Variants in MCCC1 observed in about 807,000 individuals in gnomAD.
The protein encoded by MCCC1 is methylcrotonoyl-CoA carboxylase subunit alpha, mitochondrial.
A neutral mutation model predicts 83.8 loss-of-function variants in MCCC1; 64 were observed. The ratio of observed to expected loss-of-function variants is 0.76; its 90% CI spans 0.62 to 0.94. The LOEUF (loss-of-function observed/expected upper bound fraction) is 0.94. Among genes scored for constraint, MCCC1 ranks in the 40% least tolerant of loss-of-function variants. MCCC1 has a pLI of 0.00. For missense variants in MCCC1, 807 were observed against 904.7 expected, an observed-to-expected ratio of 0.89 and a Z score of 1.39; for synonymous variants, 322 against 315.4, an observed-to-expected ratio of 1.02 and a Z score of -0.22.
intron 1 of MCCC1, among the ~76,000 whole-genome samples, chr3:183,111,546 C>T (rs1292489948): frequency 2.0e-5 from 3 of 152,138 alleles, no homozygotes; most frequent in Non-Finnish European, 2.9e-5. Context: ...GTGATCTGCC[C>T]GCCTTGGCCT....
intron 8 of MCCC1, among the ~76,000 whole-genome samples, chr3:183,053,582 G>A (rs1379206636): frequency 1.3e-5 from 2 of 151,612 alleles, no homozygotes; most frequent in African/African-American, 2.4e-5. Flanking sequence ...CAAGGTGGGC[G>A]GATCATGAAG....
At chr3:183,107,003 T>G (rs951105832) in intron 1 of MCCC1, among the ~76,000 whole-genome samples, 1 of 152,166 alleles carries the variant, frequency 6.6e-6, no homozygotes, top group African/African-American at 2.4e-5. Flanking sequence ...ACAAGGAGAT[T>G]TTATCACTTG....
upstream of MCCC1, chr3:183,116,185 C>A: frequency 5.8e-6 from 1 of 173,796 alleles, no homozygotes; most frequent in South Asian, 9.3e-5. Flanking sequence ...GGCTCTCCTG[C>A]TCATGCGCAC....
At chr3:183,092,911 G>T (rs560621053) in intron 2 of MCCC1, among the ~76,000 whole-genome samples, 1 of 152,004 alleles carries the variant, frequency 6.6e-6, no homozygotes, top group East Asian at 1.9e-4. Context: ...ATTTATTTTT[G>T]AGACAGTGTT....
intron 3 of MCCC1, among the ~76,000 whole-genome samples, chr3:183,091,780 C>T (rs934434377): frequency 7.9e-5 from 12 of 151,556 alleles, no homozygotes; most frequent in South Asian, 2.1e-4. Flanking sequence ...CGGTGGCTCA[C>T]GCCTGTTTGG....
chr3:183,103,799 C>T (rs78678873), upstream of MCCC1, among the ~76,000 whole-genome samples: 1 of 152,144 alleles, frequency 6.6e-6, no homozygotes, highest in East Asian at 1.9e-4. Context: ...GAGCAGGGGG[C>T]GGCGCTCATC....
intron 8 of MCCC1, among the ~76,000 whole-genome samples, chr3:183,055,838 C>T (rs533251667): frequency 6.6e-6 from 1 of 152,192 alleles, no homozygotes; most frequent in South Asian, 2.1e-4. Context: ...TTGGAGACTG[C>T]AGTGAGTTAT....
intron 11 of MCCC1, among the ~76,000 whole-genome samples, 172 bp downstream of exon 11, chr3:183,041,395 A>G: frequency 6.6e-6 from 1 of 152,246 alleles, no homozygotes; most frequent in East Asian, 1.9e-4. Context: ...GTTATTCTTT[A>G]AAAATAACAA....
chr3:183,025,635 C>A (rs1712531326), intron 15 of MCCC1, 120 bp downstream of exon 15: 1 of 918,692 alleles, frequency 1.1e-6, no homozygotes, highest in South Asian at 1.4e-5. Flanking sequence ...ATAAGATATT[C>A]TCTTAACTAC....
intron 4 of MCCC1, among the ~76,000 whole-genome samples, chr3:183,075,545 C>CTT (rs35554340): frequency 1.1e-4 from 13 of 117,160 alleles, no homozygotes; most frequent in Non-Finnish European, 2.4e-4. Context: ...CCTTTGCCCA[C>CTT]TTTTTTTTTT....
At chr3:183,019,947 A>G (rs1712010008) in intron 17 of MCCC1, among the ~76,000 whole-genome samples, 183 bp downstream of exon 17, 1 of 152,206 alleles carries the variant, frequency 6.6e-6, no homozygotes, top group South Asian at 2.1e-4. Context: ...AATTAGGTAA[A>G]TGGGTATTTT....
chr3:183,093,819 T>A (rs1308653049), intron 2 of MCCC1, among the ~76,000 whole-genome samples: 1 of 152,058 alleles, frequency 6.6e-6, no homozygotes, highest in Non-Finnish European at 1.5e-5. Flanking sequence ...CAGCTAGAAG[T>A]TATACTTTAT....
At chr3:183,032,886 A>T (rs1441240363) in intron 14 of MCCC1, among the ~76,000 whole-genome samples, 1 of 152,076 alleles carries the variant, frequency 6.6e-6, no homozygotes, top group East Asian at 1.9e-4. Context: ...AAAAAAAAAA[A>T]AAAAAATTTG....
In MCCC1 at chr3:183,066,505, A is replaced by G. The variant is rs1030684406; in HGVS notation, c.761+4494T>C. On this transcript the variant is annotated intron_variant, in intron 7 of 18. Coordinates refer to ENST00000265594, the MANE Select transcript of MCCC1 (RefSeq NM_020166.5). ...TTTTTATTACAGACAGGGTTTCACC[A>G]TGTTGGTCAGGCTGGTCTCAAACTC... 2.0e-5 allele frequency among the ~76,000 whole-genome samples: 3 copies of G among 152,148 alleles called. No homozygotes were observed. The East Asian group carries it at 5.8e-4, about 29-fold the overall frequency.
At chr3:183,087,389 TAGTG>T (rs1237793682) in intron 3 of MCCC1, among the ~76,000 whole-genome samples, 3 of 152,148 alleles carry the variant, frequency 2.0e-5, no homozygotes, top group Non-Finnish European at 4.4e-5. Flanking sequence ...GCCTGTACCA[TAGTG>T]AACAAGACAA....
intron 14 of MCCC1, chr3:183,029,200 G>A (rs1305308961): frequency 6.6e-6 from 1 of 152,168 alleles, no homozygotes; most frequent in African/African-American, 2.4e-5. Flanking sequence ...CTAAAGTTTT[G>A]TGGGGTAGAA....
chr3:183,016,590 G>A (rs554949008), intron 18 of MCCC1, among the ~76,000 whole-genome samples: 2 of 152,186 alleles, frequency 1.3e-5, no homozygotes, highest in African/African-American at 4.8e-5. Flanking sequence ...TGGGTCTGGG[G>A]AAGAATTTTT....
intron 4 of MCCC1, among the ~76,000 whole-genome samples, chr3:183,085,839 T>C (rs572852490): frequency 4.6e-5 from 7 of 152,130 alleles, no homozygotes; most frequent in Admixed American, 3.9e-4. Flanking sequence ...GTAGGGAAAC[T>C]TGAACAAGGA....
intron 1 of MCCC1, among the ~76,000 whole-genome samples, chr3:183,107,416 AAAAAAGAAAAAG>A (rs1332985035): frequency 0.031 from 4,701 of 151,480 alleles, 247 homozygotes; most frequent in African/African-American, 0.11. Flanking sequence ...CTCAAAAAAA[AAAAAAGAAAAAG>A]AAAAAGAAAA....
Sources: gnomAD v4.1 joint callset for allele counts (sites outside exome capture counted in the v4.1 genomes callset) on GRCh38, gnomAD v4.1.1 for gene constraint, MANE v1.5 for transcripts, NCBI Gene and HGNC (gene_info 2026-07-23, HGNC 2026-07-21) for gene names.